Variants in COL16A1 observed in about 807,000 individuals in gnomAD.
COL16A1 encodes collagen alpha-1(XVI) chain.
Under a neutral mutation model 266.3 loss-of-function variants are expected in COL16A1, and 189 were observed. The ratio of observed to expected loss-of-function variants is 0.71; its 90% CI spans 0.63 to 0.80. The LOEUF (loss-of-function observed/expected upper bound fraction) is 0.80. Ranked by LOEUF, COL16A1 falls within the 30% of genes least tolerant of loss-of-function variation. The pLI is 0.00. For missense variants in COL16A1, 1,928 were observed against 2,122.4 expected (o/e 0.91, Z 1.80); for synonymous variants, 740 against 782.3 (o/e 0.95, Z 0.90).
chr1:31,653,713 C>G, intron 69 of COL16A1, 37 bp from the exon 70 acceptor site: 2 of 1,599,746 alleles, frequency 1.3e-6, no homozygotes, highest in Non-Finnish European at 1.7e-6. Context: ...TATCCCTGAG[C>G]AGAAAAATGA....
At chr1:31,692,125 A>G in intron 16 of COL16A1, 58 bp from the exon 17 acceptor site, 1 of 1,610,970 alleles carries the variant, frequency 6.2e-7, no homozygotes. Flanking sequence ...ACAGCTGGGC[A>G]GCTCCATCTG....
rs907073870 is a variant in COL16A1 at position 31,691,400 on chromosome 1, A to G, written c.1398+17T>C. The stretch of plus-strand genomic sequence containing the variant: ...TCTCTGAGAAAAGCACAGCAGGAGA[A>G]GCAAGGGGGTACTCACCGGGGTCCC... On this transcript the variant is annotated intron_variant, in intron 19 of 70. Coordinates refer to ENST00000373672, the MANE Select transcript of COL16A1 (RefSeq NM_001856.4). 9 of 1,603,704 alleles carry G rather than the reference A, an allele frequency of 5.6e-6. No individual in the cohort carries two copies. Among genetic ancestry groups the G allele is most frequent in the Non-Finnish European group, 7.7e-6 (9 of 1,174,204 alleles).
intron 57 of COL16A1, 25 bp from the exon 58 acceptor site, chr1:31,662,412 T>G: frequency 6.2e-7 from 1 of 1,608,286 alleles, no homozygotes; most frequent in Non-Finnish European, 8.5e-7. Flanking sequence ...GAGGCATTTC[T>G]ACATGCTGGT....
At position 31,702,156 on chromosome 1, in the gene COL16A1, C is replaced by T. The variant is rs1317670523; in HGVS notation, c.38G>A (p.Gly13Asp). 6.2e-7 allele frequency: 1 copy of T among 1,614,204 alleles called. No homozygotes were observed. The highest frequency in any genetic ancestry group is 1.7e-5 in the Admixed American group (1 of 60,036). Residue 13 changes from glycine (G) to aspartate (D), a missense_variant, in exon 2 of 71, where the codon GGT becomes GAT. Gly to Asp is a moderately conservative substitution (Grantham distance 94). Transcript: ENST00000373672. ...VSWAPGLWLL[G>D]LWATFGHGAN... ...CCCATGGCCGAAGGTAGCCCAAAGA[C>T]CGAGCAGCCACAGGCCAGGAGCCCA...
Position 31,658,516 on chromosome 1 carries a change from G to T in COL16A1, c.3992C>A (p.Pro1331His). 1 of 1,605,172 alleles carries T rather than the reference G, an allele frequency of 6.2e-7. No individual in the cohort carries two copies. ...ERGLAGLPGQ[P>H]GPPGHPGPPG... is the part of the protein sequence containing the mutation. ...GGGGCCAGGGTGTCCAGGGGGGCCG[G>T]GCTGGCCTGGGAGGCCTGCAAGGCC... is the stretch of plus-strand genomic sequence containing the variant. The change falls in exon 64 of 71, where the codon CCC becomes CAC. Residue 1331 changes from proline (P) to histidine (H), a missense_variant. Physicochemically the swap from Pro to His is moderately conservative, Grantham distance 77. Around this residue, in one of 2 missense-constraint regions of COL16A1, gnomAD observed 376 missense variants for 485.2 expected, o/e 0.77. Coordinates refer to ENST00000373672, the MANE Select transcript of COL16A1 (RefSeq NM_001856.4).
chr1:31,686,580 G>A (rs972886303), intron 26 of COL16A1, among the ~76,000 whole-genome samples: 4 of 152,244 alleles, frequency 2.6e-5, no homozygotes, highest in Admixed American at 2.0e-4. Context: ...CTTTACAGGC[G>A]GAGCACTGGG....
chr1:31,679,857 TG>T lies in COL16A1; in HGVS notation c.2671-7del. The T allele has an allele frequency of 6.6e-7, 1 of 1,514,802 alleles. No individual in the cohort carries two copies. The highest frequency in any genetic ancestry group is 2.2e-5 in the Admixed American group (1 of 45,076). The allele number at this position is 1,514,802 out of a possible 1,614,324, so 93.8% of individuals were successfully genotyped here. A position where few individuals can be genotyped will look rare whatever the true frequency, so the allele number is the denominator to read the frequency against. On this transcript the variant is annotated splice_region_variant and splice_polypyrimidine_tract_variant and intron_variant, in intron 40 of 70. Transcript: ENST00000373672. The stretch of plus-strand genomic sequence containing the variant: ...ATCCAAAGTCCCGGAGCACCCTGGG[TG>T]GGAGTGGGGGTCGCAAAAGAAGGGG...
In COL16A1 at chr1:31,672,387, T is replaced by G. The variant is rs372350317; in HGVS notation, c.3105+29A>C. 156 of 1,612,866 alleles carry G rather than the reference T, an allele frequency of 9.7e-5. 1 individual carries two copies. The highest frequency in any genetic ancestry group is 8.3e-5 in the Admixed American group (5 of 59,962). On this transcript the variant is annotated intron_variant, in intron 47 of 70. Transcript: ENST00000373672. Reference sequence around the variant, plus strand: ...AAGGCAGACAGGGCCCCAGCTCCCTTGAGGATGAATCCCCATCCCTGGTCT... The same window carrying G: ...AAGGCAGACAGGGCCCCAGCTCCCTGGAGGATGAATCCCCATCCCTGGTCT...
intron 42 of COL16A1, chr1:31,679,325 T>C (rs1391173902): frequency 1.5e-6 from 2 of 1,299,718 alleles, no homozygotes; most frequent in East Asian, 2.5e-5. Flanking sequence ...GAGTGTTGAA[T>C]GCTACTCCAA....
chr1:31,660,688 C>T (rs1471874689), intron 61 of COL16A1, 50 bp from the exon 62 acceptor site: 1 of 1,609,762 alleles, frequency 6.2e-7, no homozygotes, highest in Non-Finnish European at 8.5e-7. Context: ...GACTTGCTTG[C>T]ACCATGTGGC....
intron 8 of COL16A1, 63 bp downstream of exon 8, chr1:31,696,897 AGCT>A (rs1644526078): frequency 2.5e-6 from 4 of 1,599,728 alleles, no homozygotes; most frequent in Non-Finnish European, 3.4e-6. Flanking sequence ...GACGTCAGTC[AGCT>A]CAGGGGAGGG....
chr1:31,675,868 G>A (rs777449093), intron 42 of COL16A1, among the ~76,000 whole-genome samples: 6 of 152,028 alleles, frequency 3.9e-5, no homozygotes, highest in African/African-American at 7.2e-5. Flanking sequence ...TCGCTGGTAG[G>A]CTGGTCTCAA....
Position 31,685,956 on chromosome 1 carries a change from C to T in COL16A1, c.1884+135G>A, listed in dbSNP as rs112580109. 51 of 1,482,784 alleles carry T rather than the reference C, an allele frequency of 3.4e-5. No individual in the cohort carries two copies. Among genetic ancestry groups the T allele is most frequent in the African/African-American group, 3.4e-4 (24 of 71,402 alleles). 91.9% of individuals were successfully genotyped at this position (1,482,784 alleles called of 1,614,324 possible). A position where few individuals can be genotyped will look rare whatever the true frequency, so the allele number is the denominator to read the frequency against. On this transcript the variant is annotated intron_variant, in intron 28 of 70. Transcript: ENST00000373672. This position sits in a 1 kb window ranked among gnomAD's most constrained non-coding sequence, Gnocchi z 4.0. ...AAGGTGGAGCTGAGTCATCAGGGGTCTCCATGCCTTGCTAAGGAGTCAGAC... is the reference window on the plus strand; with the variant it reads ...AAGGTGGAGCTGAGTCATCAGGGGTTTCCATGCCTTGCTAAGGAGTCAGAC...
chr1:31,679,738 G>A (rs374955563), intron 41 of COL16A1, 53 bp from the exon 42 acceptor site: 147 of 1,610,254 alleles, frequency 9.1e-5, no homozygotes, highest in Middle Eastern at 1.8e-4. Flanking sequence ...CCCCATGGCC[G>A]AGAGCAGCTG....
intron 64 of COL16A1, 51 bp downstream of exon 64, chr1:31,658,437 A>G: frequency 6.9e-7 from 1 of 1,455,946 alleles, no homozygotes; most frequent in South Asian, 1.2e-5. Flanking sequence ...ACAGGCCTTG[A>G]GCCAATTGAC....
chr1:31,678,999 A>G (rs1219204403), intron 42 of COL16A1, among the ~76,000 whole-genome samples: 1 of 152,182 alleles, frequency 6.6e-6, no homozygotes, highest in East Asian at 1.9e-4. Context: ...CTCTGCCACA[A>G]AGGCTATCCC....
intron 16 of COL16A1, 43 bp downstream of exon 16, chr1:31,692,431 C>A (rs902548487): frequency 6.3e-7 from 1 of 1,590,266 alleles, no homozygotes; most frequent in Non-Finnish European, 8.6e-7. Flanking sequence ...GTAGAGCCTG[C>A]AGACCTCCCT....
intron 37 of COL16A1, among the ~76,000 whole-genome samples, chr1:31,681,843 G>A (rs2148759331): frequency 6.6e-6 from 1 of 152,330 alleles, no homozygotes; most frequent in African/African-American, 2.4e-5. Context: ...GGGCTCCCTG[G>A]GACAGGCAGG....
intron 48 of COL16A1, among the ~76,000 whole-genome samples, chr1:31,671,022 C>T (rs894208180): frequency 6.6e-6 from 1 of 152,258 alleles, no homozygotes; most frequent in Non-Finnish European, 1.5e-5. Context: ...AGACAGCTCC[C>T]ACCAGCCATT....
Sources: gnomAD v4.1 joint callset for allele counts (sites outside exome capture counted in the v4.1 genomes callset) on GRCh38, gnomAD v4.1.1 for gene constraint, gnomAD v4.1.1 regional missense constraint, Gnocchi (gnomAD v3.1) non-coding constraint, MANE v1.5 for transcripts, NCBI Gene and HGNC (gene_info 2026-07-23, HGNC 2026-07-21) for gene names.